ARSB: variants seen among roughly 807,000 people sequenced by gnomAD.
ARSB encodes the protein N-acetylgalactosamine-4-sulfatase.
ARSB carries 41 observed loss-of-function variants against 50.9 expected under a neutral mutation model. The observed-to-expected ratio is 0.81, with a 90% CI of 0.63 to 1.04. The LOEUF is 1.04. Ranked by LOEUF, ARSB falls within the 50% of genes least tolerant of loss-of-function variation. The pLI, the probability that ARSB is intolerant of heterozygous loss-of-function variation, is 0.00. For missense variants in ARSB, 672 were observed against 693.3 expected, an observed-to-expected ratio of 0.97 and a Z score of 0.35; for synonymous variants, 269 against 284.8, an observed-to-expected ratio of 0.94 and a Z score of 0.56.
intron 4 of ARSB, among the ~76,000 whole-genome samples, chr5:78,932,160 C>T (rs1750353799): frequency 6.6e-6 from 1 of 152,206 alleles, no homozygotes; most frequent in Admixed American, 6.5e-5. Flanking sequence ...AAGTCACGAG[C>T]AGTCTAATAG....
At chr5:78,795,609 CTACT>C (rs1380777371) in intron 6 of ARSB, among the ~76,000 whole-genome samples, 3 of 152,224 alleles carry the variant, frequency 2.0e-5, no homozygotes, top group African/African-American at 7.2e-5. Context: ...TAGACCCTCA[CTACT>C]TACTTAGAAT....
intron 5 of ARSB, among the ~76,000 whole-genome samples, chr5:78,861,000 T>G (rs1392342681): frequency 6.6e-6 from 1 of 152,194 alleles, no homozygotes; most frequent in Non-Finnish European, 1.5e-5. Flanking sequence ...GCAAATAAAC[T>G]AGAAAATCTA....
intron 4 of ARSB, among the ~76,000 whole-genome samples, chr5:78,901,372 T>G (rs780288114): frequency 3.9e-5 from 6 of 152,148 alleles, no homozygotes; most frequent in Non-Finnish European, 8.8e-5. Context: ...AAGACTGCAA[T>G]CAATTTTCAA....
chr5:78,985,540 A>C, upstream of ARSB: 1 of 243,710 alleles, frequency 4.1e-6, no homozygotes, highest in Non-Finnish European at 7.8e-6. Context: ...CCCGGCAATT[A>C]AATTTGCACT....
chr5:78,867,717 C>G (rs938209016), intron 5 of ARSB, among the ~76,000 whole-genome samples: 2 of 152,102 alleles, frequency 1.3e-5, no homozygotes, highest in African/African-American at 4.8e-5. Context: ...GGGGAAAAAA[C>G]AGAACAGAAA....
chr5:78,835,332 G>A (rs970608132), intron 6 of ARSB, among the ~76,000 whole-genome samples: 1 of 152,146 alleles, frequency 6.6e-6, no homozygotes, highest in Admixed American at 6.5e-5. Flanking sequence ...GAGCGGGGGA[G>A]GTGTAGCTGC....
rs895026594 is a variant in ARSB at position 78,779,206 on chromosome 5, T to C, written c.*1191A>G. 7 of 151,992 alleles carry C rather than the reference T, an allele frequency of 4.6e-5. No homozygotes were observed. The highest frequency in any genetic ancestry group is 6.6e-5 in the Admixed American group (1 of 15,244). 9.4% of individuals were successfully genotyped at this position (151,992 alleles called of 1,614,324 possible). On this transcript the variant is annotated 3_prime_UTR_variant, in exon 8 of 8. Coordinates refer to ENST00000264914, the MANE Select transcript of ARSB (RefSeq NM_000046.5). ...CCACATTAGTAAGACATTAGTGGGA[T>C]TGAGAAAGGGCTGCAGGTGTCAAAC...
At chr5:78,800,008 T>C (rs981078699) in intron 6 of ARSB, among the ~76,000 whole-genome samples, 1 of 152,250 alleles carries the variant, frequency 6.6e-6, no homozygotes. Flanking sequence ...GAGTTGGCTT[T>C]CTGAATGAGC....
rs1748827823 is a variant in ARSB at position 78,778,320 on chromosome 5, C to A, written c.*2077G>T. 6.6e-6 allele frequency: 1 copy of A among 152,206 alleles called. No homozygotes were observed. The highest frequency in any genetic ancestry group is 2.1e-4 in the South Asian group (1 of 4,828). 9.4% of individuals were successfully genotyped at this position (152,206 alleles called of 1,614,324 possible). On this transcript the variant is annotated 3_prime_UTR_variant, in exon 8 of 8. Coordinates refer to ENST00000264914, the MANE Select transcript of ARSB (RefSeq NM_000046.5). Reference sequence around the variant, plus strand: ...TAAGAGATGTTATTAGTTTTAGCACCATTTCCTTCCAATAGTCTCATTTTA... The same window carrying A: ...TAAGAGATGTTATTAGTTTTAGCACAATTTCCTTCCAATAGTCTCATTTTA...
intron 1 of ARSB, among the ~76,000 whole-genome samples, chr5:78,973,717 C>A (rs1580151231): frequency 6.6e-6 from 1 of 152,174 alleles, no homozygotes; most frequent in East Asian, 1.9e-4. Flanking sequence ...TTCAGCTACA[C>A]TCAAACTCTC....
chr5:78,795,096 G>A (rs1410495082), intron 6 of ARSB, among the ~76,000 whole-genome samples: 2 of 152,210 alleles, frequency 1.3e-5, no homozygotes, highest in East Asian at 3.8e-4. Flanking sequence ...CTGGCAGAGA[G>A]TAAGCTCTCA....
rs149687290 is a variant in ARSB, at chr5:78,797,645, T to C, written c.1214-15671A>G. ...ACCTACTCTCTCTGGCTCCATCACC[T>C]TTCTGCTGCCCCCGTGAGCCATCCT... is the stretch of plus-strand genomic sequence containing the variant. On this transcript the variant is annotated intron_variant, in intron 6 of 7. Coordinates refer to ENST00000264914, the MANE Select transcript of ARSB (RefSeq NM_000046.5). 3.7e-3 allele frequency among the ~76,000 whole-genome samples: 559 copies of C among 152,312 alleles called. 5 individuals are homozygous for C. The highest frequency in any genetic ancestry group is 0.013 in the African/African-American group (534 of 41,580).
chr5:78,851,539 G>C (rs1488087190), intron 5 of ARSB, among the ~76,000 whole-genome samples: 2 of 152,136 alleles, frequency 1.3e-5, no homozygotes, highest in Admixed American at 1.3e-4. Context: ...ATATTCTGTT[G>C]ACTTGGGGTG....
intron 4 of ARSB, among the ~76,000 whole-genome samples, chr5:78,943,449 A>T (rs192652558): frequency 5.0e-4 from 76 of 152,306 alleles, no homozygotes; most frequent in African/African-American, 1.7e-3. Flanking sequence ...TGCTTCCTTC[A>T]GGAGCTCTTG....
At chr5:78,810,473 T>C (rs906015956) in intron 6 of ARSB, among the ~76,000 whole-genome samples, 11 of 152,196 alleles carry the variant, frequency 7.2e-5, no homozygotes, top group African/African-American at 2.7e-4. Context: ...GAAACCTACA[T>C]CCCATTTCAG....
intron 4 of ARSB, among the ~76,000 whole-genome samples, chr5:78,942,251 A>T (rs1170324054): frequency 1.3e-5 from 2 of 151,092 alleles, no homozygotes; most frequent in African/African-American, 2.5e-5. Context: ...ATTCATTGAT[A>T]TTTTGAAGGG....
intron 7 of ARSB, among the ~76,000 whole-genome samples, chr5:78,781,323 C>CTTTTTTTTTTTTTTT (rs376851173): frequency 1.9e-4 from 14 of 75,322 alleles, no homozygotes; most frequent in East Asian, 9.4e-4. Context: ...CTCTCTCTCT[C>CTTTTTTTTTTTTTTT]TTTTTTTTTT....
intron 6 of ARSB, among the ~76,000 whole-genome samples, chr5:78,813,219 C>G (rs1743880119): frequency 6.6e-6 from 1 of 152,000 alleles, no homozygotes; most frequent in African/African-American, 2.4e-5. Flanking sequence ...CATGTGCCAC[C>G]ACACCGGCTA....
intron 4 of ARSB, among the ~76,000 whole-genome samples, chr5:78,896,857 G>C (rs368868144): frequency 2.3e-4 from 35 of 152,074 alleles, no homozygotes; most frequent in African/African-American, 8.4e-4. Flanking sequence ...ATACAATACT[G>C]TAACTATATG....
Sources: allele counts gnomAD v4.1 joint callset (sites outside exome capture counted in the v4.1 genomes callset), GRCh38; gene constraint gnomAD v4.1.1; transcripts MANE v1.5; gene names NCBI Gene and HGNC (gene_info 2026-07-23, HGNC 2026-07-21).